Variants in NRP2 observed in about 807,000 individuals in gnomAD.
The protein encoded by NRP2 is neuropilin-2.
In NRP2, 52 loss-of-function variants were observed where a neutral mutation model predicts 110.4. The observed-to-expected ratio is 0.47, with a 90% CI of 0.38 to 0.59. The LOEUF (loss-of-function observed/expected upper bound fraction) is 0.59. NRP2 is among the 20% of genes least tolerant of loss of function. NRP2 has a pLI of 0.00. For synonymous variants in NRP2, 508 were observed against 468.9 expected, an observed-to-expected ratio of 1.08 and a Z score of -1.08; for missense variants, 1,049 against 1,203.0, an observed-to-expected ratio of 0.87 and a Z score of 1.89.
chr2:205,699,110 T>C (rs2056499569), intron 2 of NRP2, among the ~76,000 whole-genome samples: 1 of 152,198 alleles, frequency 6.6e-6, no homozygotes, highest in South Asian at 2.1e-4. Context: ...CGAAGAGTCA[T>C]AAGATGAAGT....
chr2:205,794,251 C>T (rs968321548), intron 16 of NRP2, among the ~76,000 whole-genome samples: 3 of 152,156 alleles, frequency 2.0e-5, no homozygotes, highest in Non-Finnish European at 2.9e-5. Context: ...GCTGGGACTA[C>T]AGGCGCCCGC....
intron 3 of NRP2, among the ~76,000 whole-genome samples, chr2:205,721,333 C>A (rs2057007766): frequency 6.6e-6 from 1 of 152,172 alleles, no homozygotes; most frequent in African/African-American, 2.4e-5. Context: ...TTATCCTCCT[C>A]AAAAATCCTG....
intron 7 of NRP2, among the ~76,000 whole-genome samples, chr2:205,735,319 CAA>C (rs941003481): frequency 1.7e-4 from 26 of 152,138 alleles, no homozygotes; most frequent in African/African-American, 6.3e-4. Flanking sequence ...GCATATTCTT[CAA>C]AGACAACTTA....
intron 15 of NRP2, among the ~76,000 whole-genome samples, chr2:205,789,098 G>A (rs902839177): frequency 6.6e-6 from 1 of 152,166 alleles, no homozygotes; most frequent in African/African-American, 2.4e-5. Flanking sequence ...ACCAAAGTGT[G>A]TATCCAGCCA....
intron 11 of NRP2, among the ~76,000 whole-genome samples, chr2:205,750,339 G>A (rs939484916): frequency 1.1e-4 from 16 of 152,140 alleles, no homozygotes; most frequent in Admixed American, 2.6e-4. Context: ...GTCTTTCACC[G>A]CCACCAATTT....
At chr2:205,746,233 C>A (rs1268499775) in intron 10 of NRP2, among the ~76,000 whole-genome samples, 3 of 152,340 alleles carry the variant, frequency 2.0e-5, no homozygotes, top group South Asian at 2.1e-4. Context: ...AAGAAAAAAA[C>A]CCCTCATGAT....
intron 8 of NRP2, among the ~76,000 whole-genome samples, 191 bp from the exon 9 acceptor site, chr2:205,743,012 A>G (rs1242009187): frequency 1.3e-5 from 2 of 152,242 alleles, no homozygotes; most frequent in African/African-American, 4.8e-5. Context: ...CAGAGTGAAC[A>G]TGAACACAGG....
intron 15 of NRP2, chr2:205,767,160 A>G (rs564694224): frequency 8.2e-5 from 29 of 354,488 alleles, no homozygotes; most frequent in South Asian, 7.7e-4. Flanking sequence ...AAAAAAAAAA[A>G]TCAGTATAAA....
At chr2:205,697,925 G>C in intron 2 of NRP2, 1 of 624,728 alleles carries the variant, frequency 1.6e-6, no homozygotes, top group Non-Finnish European at 2.9e-6. Context: ...ATGGTGGAAA[G>C]AGCCTTCTTG....
chr2:205,794,659 C>A, intron 16 of NRP2, 95 bp from the exon 17 acceptor site: 1 of 1,257,666 alleles, frequency 8.0e-7, no homozygotes, highest in Non-Finnish European at 1.2e-6. Context: ...CTGCTAACTA[C>A]TGTGCTCTGA....
intron 15 of NRP2, among the ~76,000 whole-genome samples, chr2:205,781,157 A>G (rs887816082): frequency 2.0e-5 from 3 of 152,242 alleles, no homozygotes; most frequent in Non-Finnish European, 4.4e-5. Flanking sequence ...TTTTGGAACC[A>G]TGTTTGGGAA....
chr2:205,777,161 T>C, intron 15 of NRP2: 1 of 986,774 alleles, frequency 1.0e-6, no homozygotes, highest in Non-Finnish European at 1.2e-6. Flanking sequence ...TATCTAGCTC[T>C]GGCTGGGTTT....
intron 6 of NRP2, among the ~76,000 whole-genome samples, chr2:205,727,613 G>A (rs766866524): frequency 6.6e-6 from 1 of 152,182 alleles, no homozygotes; most frequent in African/African-American, 2.4e-5. Flanking sequence ...AGCTCTAGAT[G>A]TTCAATGATT....
chr2:205,792,374 G>T, intron 16 of NRP2, 89 bp downstream of exon 16: 1 of 908,858 alleles, frequency 1.1e-6, no homozygotes, highest in Middle Eastern at 2.5e-4. Flanking sequence ...GGTATCGGAG[G>T]GCCCAAATCT....
At chr2:205,727,463 G>T (rs1248492902) in intron 6 of NRP2, among the ~76,000 whole-genome samples, 1 of 152,190 alleles carries the variant, frequency 6.6e-6, no homozygotes, top group Non-Finnish European at 1.5e-5. Flanking sequence ...CTATGAGTGT[G>T]ACTTTTGGAA....
intron 15 of NRP2, among the ~76,000 whole-genome samples, chr2:205,788,161 A>G (rs1435182491): frequency 2.0e-5 from 3 of 152,124 alleles, no homozygotes; most frequent in Admixed American, 2.0e-4. Context: ...CTCACCGTGT[A>G]CCTACTCTGT....
At chr2:205,742,166 G>C (rs2105870489) in intron 8 of NRP2, among the ~76,000 whole-genome samples, 1 of 152,336 alleles carries the variant, frequency 6.6e-6, no homozygotes, top group African/African-American at 2.4e-5. Context: ...GAACAACGTG[G>C]AGGATCTTTT....
Position 205,776,907 on chromosome 2 carries a change from G to A in NRP2, c.2425+10104G>A, listed in dbSNP as rs370978200. 15 of 1,196,816 alleles carry A rather than the reference G, an allele frequency of 1.3e-5. No individual in the cohort carries two copies. The East Asian group carries it at 1.7e-4, about 13-fold the overall frequency. The allele number at this position is 1,196,816 out of a possible 1,614,324, so 74.1% of individuals were successfully genotyped here. On this transcript the variant is annotated intron_variant, in intron 15 of 16. Transcript: ENST00000357785. ...CTCAGTGGGCAGTCTGCCAGGAGACGTGAGGGGAAGCCTGGATCTGTGTGT... is the reference window on the plus strand; with the variant it reads ...CTCAGTGGGCAGTCTGCCAGGAGACATGAGGGGAAGCCTGGATCTGTGTGT...
Position 205,740,726 on chromosome 2 carries a change from ACT to A in NRP2, c.1291+68_1291+69del, listed in dbSNP as rs2057425545. ...GAGCCCTAGGCTCTGCTCCCTTTCA[ACT>A]CTCTGCAAACAGCATGACTGCACCA... On this transcript the variant is annotated intron_variant, in intron 8 of 16. Transcript: ENST00000357785. 1.9e-6 allele frequency: 3 copies of A among 1,588,830 alleles called. No homozygotes were observed. The East Asian group carries it at 6.7e-5, about 36-fold the overall frequency.
Sources: allele counts gnomAD v4.1 joint callset (sites outside exome capture counted in the v4.1 genomes callset), GRCh38; gene constraint gnomAD v4.1.1; transcripts MANE v1.5; gene names NCBI Gene and HGNC (gene_info 2026-07-23, HGNC 2026-07-21).